The following LINGO1 variants were observed in gnomAD, a reference collection of about 807,000 sequenced individuals.
The protein encoded by LINGO1 is leucine-rich repeat and immunoglobulin-like domain-containing nogo receptor-interacting protein 1.
Under a neutral mutation model 37.3 loss-of-function variants are expected in LINGO1, and 11 were observed. That is an observed-to-expected ratio of 0.29 (90% CI 0.19 to 0.49). The LOEUF (loss-of-function observed/expected upper bound fraction) is 0.49. Among genes scored for constraint, LINGO1 ranks in the 20% least tolerant of loss-of-function variants. LINGO1 has a pLI of 0.99. For missense variants in LINGO1, 585 were observed against 878.2 expected (o/e 0.67, Z 4.22); for synonymous variants, 387 against 403.0 (o/e 0.96, Z 0.48).
Position 77,632,436 on chromosome 15 carries a change from GC to G in LINGO1, c.-122del. The G allele has an allele frequency of 9.1e-7, 1 of 1,103,842 alleles. No individual in the cohort carries two copies. Among genetic ancestry groups the G allele is most frequent in the Non-Finnish European group, 1.2e-6 (1 of 868,778 alleles). 68.4% of individuals were successfully genotyped at this position (1,103,842 alleles called of 1,614,324 possible). A position where few individuals can be genotyped will look rare whatever the true frequency, so the allele number is the denominator to read the frequency against. ...CGTTTCCTCCTCCTCCGACACCTCC[GC>G]CCGGCAGTCCGCGCGCCCTCGCGGG... is the stretch of plus-strand genomic sequence containing the variant. On this transcript the variant is annotated 5_prime_UTR_variant, in exon 1 of 2. Transcript: ENST00000355300. This position sits in a 1 kb window ranked among gnomAD's most constrained non-coding sequence, Gnocchi z 6.0.
chr15:77,688,321 A>C (rs1295448561), intron 2 of LINGO1, among the ~76,000 whole-genome samples: 1 of 152,224 alleles, frequency 6.6e-6, no homozygotes, highest in African/African-American at 2.4e-5. Flanking sequence ...CTCTCATTTT[A>C]ATTAATTAAA....
chr15:77,641,985 T>C, intron 3 of LINGO1: 1 of 456,668 alleles, frequency 2.2e-6, no homozygotes, highest in South Asian at 1.5e-5. Flanking sequence ...TCTGAGCCGC[T>C]TTCCATTCAT....
At chr15:77,621,710 G>C (rs1306072352) in intron 1 of LINGO1, among the ~76,000 whole-genome samples, 2 of 152,150 alleles carry the variant, frequency 1.3e-5, no homozygotes, top group South Asian at 2.1e-4. Context: ...CAGAAAACGG[G>C]GTGTTACACG....
At chr15:77,818,595 C>T (rs894505062) in intron 1 of LINGO1, among the ~76,000 whole-genome samples, 4 of 152,174 alleles carry the variant, frequency 2.6e-5, no homozygotes, top group African/African-American at 7.2e-5. Context: ...TTCCAGCCAC[C>T]GTCCTGAGGA....
intron 1 of LINGO1, among the ~76,000 whole-genome samples, chr15:77,815,469 C>A (rs1401991645): frequency 1.3e-5 from 2 of 152,224 alleles, no homozygotes; most frequent in East Asian, 3.9e-4. Flanking sequence ...TCATAGCCCT[C>A]CTCCGAGGTT....
At chr15:77,783,843 T>C (rs1377933995) in intron 1 of LINGO1, among the ~76,000 whole-genome samples, 1 of 152,202 alleles carries the variant, frequency 6.6e-6, no homozygotes, top group Non-Finnish European at 1.5e-5. Flanking sequence ...TCCTCGGTGC[T>C]GGACCCACTC....
chr15:77,624,433 G>A (rs1178447241), intron 1 of LINGO1, among the ~76,000 whole-genome samples: 2 of 152,070 alleles, frequency 1.3e-5, no homozygotes, highest in Admixed American at 6.5e-5. Flanking sequence ...GCACGCACTC[G>A]GCCACCCTGC....
At chr15:77,680,832 G>A (rs538166601) in intron 2 of LINGO1, among the ~76,000 whole-genome samples, 2 of 152,326 alleles carry the variant, frequency 1.3e-5, no homozygotes, top group South Asian at 2.1e-4. Flanking sequence ...GCCTTGGAGT[G>A]CAAACTTAAT....
intron 2 of LINGO1, among the ~76,000 whole-genome samples, chr15:77,709,921 G>A (rs766862326): frequency 7.2e-5 from 11 of 152,192 alleles, no homozygotes; most frequent in African/African-American, 1.2e-4. Flanking sequence ...GACCCCACAC[G>A]GTGTCCCCAG....
At chr15:77,704,403 T>G (rs1049450012) in intron 2 of LINGO1, among the ~76,000 whole-genome samples, 1 of 152,068 alleles carries the variant, frequency 6.6e-6, no homozygotes, top group Non-Finnish European at 1.5e-5. Flanking sequence ...GATCACAGAT[T>G]GAACCCCAAC....
intron 1 of LINGO1, among the ~76,000 whole-genome samples, chr15:77,617,570 A>C (rs554983064): frequency 1.8e-4 from 27 of 152,210 alleles, no homozygotes; most frequent in Admixed American, 9.8e-4. Flanking sequence ...TCTCCACCCT[A>C]GCTCAGGCCC....
At chr15:77,723,858 G>A (rs2076075518) in intron 2 of LINGO1, among the ~76,000 whole-genome samples, 2 of 152,156 alleles carry the variant, frequency 1.3e-5, no homozygotes, top group African/African-American at 4.8e-5. Context: ...ACGGAGCCGA[G>A]GCGGCTGTGA....
intron 1 of LINGO1, among the ~76,000 whole-genome samples, chr15:77,783,941 T>C (rs1304344537): frequency 6.6e-6 from 1 of 152,242 alleles, no homozygotes; most frequent in Non-Finnish European, 1.5e-5. Context: ...GCAGACTGAC[T>C]TTGCCTCGCC....
Position 77,614,080 on chromosome 15 carries a change from G to A in LINGO1, c.1827C>T (p.Ala609=), listed in dbSNP as rs780397720. ...TCATGTTGAACTTGCGGGGCGCGTC[G>A]GCGGAGCTGATGCCTGCGTCCGACT... ...PRKSDAGISS[A]DAPRKFNMKM... is the part of the protein sequence containing the mutation. The change falls in exon 2 of 2, where the codon GCC becomes GCT. Residue 609 remains alanine (A), a synonymous_variant. Transcript: ENST00000355300. 1.7e-5 allele frequency: 27 copies of A among 1,611,170 alleles called. No individual in the cohort carries two copies. Among genetic ancestry groups the A allele is most frequent in the African/African-American group, 1.5e-4 (11 of 74,848 alleles).
intron 1 of LINGO1, among the ~76,000 whole-genome samples, chr15:77,623,183 G>A (rs912302417): frequency 6.6e-6 from 1 of 152,224 alleles, no homozygotes; most frequent in African/African-American, 2.4e-5. Context: ...TGGTGAGGGG[G>A]AGGTGCTGTG....
At chr15:77,741,354 GA>G (rs1288330820) in intron 1 of LINGO1, among the ~76,000 whole-genome samples, 1 of 152,206 alleles carries the variant, frequency 6.6e-6, no homozygotes, top group African/African-American at 2.4e-5. Context: ...GAGAGGCTGG[GA>G]AACTCCTGGA....
intron 2 of LINGO1, among the ~76,000 whole-genome samples, chr15:77,685,449 G>T (rs1177441880): frequency 6.6e-6 from 1 of 152,160 alleles, no homozygotes; most frequent in African/African-American, 2.4e-5. Flanking sequence ...ACATGTCTGG[G>T]GTATGGTGCT....
chr15:77,738,800 G>A (rs1418680116), intron 1 of LINGO1, among the ~76,000 whole-genome samples: 4 of 151,962 alleles, frequency 2.6e-5, no homozygotes, highest in Admixed American at 2.0e-4. Flanking sequence ...AGGAAGGAAG[G>A]AAGGAAGGAA....
At chr15:77,722,032 T>C (rs950892118) in intron 2 of LINGO1, among the ~76,000 whole-genome samples, 4 of 152,152 alleles carry the variant, frequency 2.6e-5, no homozygotes, top group African/African-American at 9.7e-5. Flanking sequence ...GGGTGCTTGA[T>C]GCTCCCACCC....
Sources: gnomAD v4.1 joint callset for allele counts (sites outside exome capture counted in the v4.1 genomes callset) on GRCh38, gnomAD v4.1.1 for gene constraint, Gnocchi (gnomAD v3.1) non-coding constraint, MANE v1.5 for transcripts, NCBI Gene and HGNC (gene_info 2026-07-23, HGNC 2026-07-21) for gene names.